Variants in JAK3 observed in about 807,000 individuals in gnomAD.
The protein encoded by JAK3 is Janus kinase 3, also known as tyrosine-protein kinase JAK3.
JAK3 carries 88 observed loss-of-function variants against 120.8 expected under a neutral mutation model. That is an observed-to-expected ratio of 0.73 (90% CI 0.61 to 0.87). JAK3 has a LOEUF of 0.87. Ranked by LOEUF, JAK3 falls within the 40% of genes least tolerant of loss-of-function variation. The pLI is 0.00. For missense variants in JAK3, 1,254 were observed against 1,501.4 expected, an observed-to-expected ratio of 0.84 and a Z score of 2.72; for synonymous variants, 592 against 628.6, an observed-to-expected ratio of 0.94 and a Z score of 0.87.
rs1382253269 is a variant in JAK3 at position 17,837,927 on chromosome 19, C to T, written c.1701+5G>A. The T allele has an allele frequency of 1.2e-6, 2 of 1,613,908 alleles. No individual in the cohort carries two copies. The highest frequency in any genetic ancestry group is 3.3e-5 in the Admixed American group (2 of 59,972). ...CTCCAAAAGTCTGGTCCACATTGCT[C>T]TCACCTCCATGCAGTTCTTGTGCTT... is the stretch of plus-strand genomic sequence containing the variant. On this transcript the variant is annotated splice_donor_5th_base_variant and intron_variant, in intron 12 of 23. Transcript: ENST00000458235.
intron 17 of JAK3, among the ~76,000 whole-genome samples, chr19:17,834,102 C>CTAAA (rs1184434796): frequency 2.0e-5 from 3 of 152,038 alleles, no homozygotes; most frequent in African/African-American, 7.2e-5. Flanking sequence ...AATCCCAGCA[C>CTAAA]TTTAGGAGGT....
Position 17,841,228 on chromosome 19 carries a change from G to C in JAK3, c.1142+161C>G, listed in dbSNP as rs1407572309. 6.6e-6 allele frequency among the ~76,000 whole-genome samples: 1 copy of C among 152,144 alleles called. No individual in the cohort carries two copies. The highest frequency in any genetic ancestry group is 2.1e-4 in the South Asian group (1 of 4,828). ...AGAGTAGTGGTCGCCCTGTGAAGCAGAAGGAATACTTCAGCTTCACTGAGC... is the reference window on the plus strand; with the variant it reads ...AGAGTAGTGGTCGCCCTGTGAAGCACAAGGAATACTTCAGCTTCACTGAGC... On this transcript the variant is annotated intron_variant, in intron 8 of 23. Transcript: ENST00000458235. This position sits in a 1 kb window ranked among gnomAD's most constrained non-coding sequence, Gnocchi z 4.1.
chr19:17,826,051 A>G lies in JAK3; in HGVS notation c.*692T>C, dbSNP rs183649388. 1 of 151,408 alleles carries G rather than the reference A, an allele frequency of 6.6e-6. No individual in the cohort carries two copies. The highest frequency in any genetic ancestry group is 2.4e-5 in the African/African-American group (1 of 41,202). 9.4% of individuals were successfully genotyped at this position (151,408 alleles called of 1,614,324 possible). On this transcript the variant is annotated 3_prime_UTR_variant, in exon 24 of 24. Transcript: ENST00000458235. Reference sequence around the variant, plus strand: ...AGTTCAAGACCAGCCTGGGCAACGTAGCAAGATCCTGTCTCTTAAAAATAA... The same window carrying G: ...AGTTCAAGACCAGCCTGGGCAACGTGGCAAGATCCTGTCTCTTAAAAATAA...
chr19:17,828,809 A>G (rs767302905), intron 23 of JAK3, among the ~76,000 whole-genome samples: 5 of 152,208 alleles, frequency 3.3e-5, no homozygotes, highest in Non-Finnish European at 7.3e-5. Context: ...TAATTTATCA[A>G]TGACCAACTG....
chr19:17,833,667 A>C (rs2094218529), intron 17 of JAK3, among the ~76,000 whole-genome samples: 1 of 151,936 alleles, frequency 6.6e-6, no homozygotes, highest in Admixed American at 6.6e-5. Flanking sequence ...CCCGGCCAAC[A>C]TGGCAAAACC....
At chr19:17,845,133 A>C (rs1249902097) in intron 1 of JAK3, among the ~76,000 whole-genome samples, 5 of 152,212 alleles carry the variant, frequency 3.3e-5, no homozygotes, top group African/African-American at 1.2e-4. Flanking sequence ...CCGGAGGCCA[A>C]GAAGGAAGGA....
chr19:17,834,095 C>T (rs1028015192), intron 17 of JAK3, among the ~76,000 whole-genome samples: 1 of 152,090 alleles, frequency 6.6e-6, no homozygotes, highest in African/African-American at 2.4e-5. Flanking sequence ...CACCTGAAAT[C>T]CCAGCACTTT....
In JAK3 at chr19:17,831,632, T is replaced by C. The variant is rs2147676451; in HGVS notation, c.2805+42A>G. ...TCCAAGCAGACCCCTGCCCAGGCCGTGCCAGCTGAATCCCCACAAGTCCCG... is the reference window on the plus strand; with the variant it reads ...TCCAAGCAGACCCCTGCCCAGGCCGCGCCAGCTGAATCCCCACAAGTCCCG... On this transcript the variant is annotated intron_variant, in intron 20 of 23. Coordinates refer to ENST00000458235, the MANE Select transcript of JAK3 (RefSeq NM_000215.4). This position sits in a 1 kb window ranked among gnomAD's most constrained non-coding sequence, Gnocchi z 5.1. 6.3e-7 allele frequency: 1 copy of C among 1,589,676 alleles called. No homozygotes were observed.
rs1326393997 is a variant in JAK3 at position 17,837,087 on chromosome 19, T to A, written c.1786+42A>T. On this transcript the variant is annotated intron_variant, in intron 13 of 23. Coordinates refer to ENST00000458235, the MANE Select transcript of JAK3 (RefSeq NM_000215.4). The stretch of plus-strand genomic sequence containing the variant: ...AGAGGTGGGAAGAACAGCCTAGACT[T>A]GGGTGAGGCAGGGGTGGGGTGGGTG... The A allele has an allele frequency of 9.2e-6, 7 of 757,092 alleles. No homozygotes were observed. In the East Asian group the frequency reaches 1.0e-3, roughly 111 times the overall value. The allele number at this position is 757,092 out of a possible 1,614,324, so 46.9% of individuals were successfully genotyped here. A position where few individuals can be genotyped will look rare whatever the true frequency, so the allele number is the denominator to read the frequency against.
In JAK3 at chr19:17,830,166, A is replaced by C; in HGVS notation, c.3149T>G (p.Leu1050Arg). The C allele has an allele frequency of 6.3e-7, 1 of 1,596,912 alleles. No individual in the cohort carries two copies. Among genetic ancestry groups the C allele is most frequent in the Admixed American group, 1.7e-5 (1 of 58,004 alleles). Residue 1050 changes from leucine to arginine, a missense_variant, in exon 23 of 24, where the codon CTC becomes CGC. Physicochemically the swap from Leu to Arg is moderately radical, Grantham distance 102. Coordinates refer to ENST00000458235, the MANE Select transcript of JAK3 (RefSeq NM_000215.4). ...CTGGCCCTCCTCCAGCAGTTCCAAGAGGCGGCAGAGGGCGGGGACATCCCG... is the reference window on the plus strand; with the variant it reads ...CTGGCCCTCCTCCAGCAGTTCCAAGCGGCGGCAGAGGGCGGGGACATCCCG... ...CERDVPALCR[L>R]LELLEEGQRL...
intron 10 of JAK3, 55 bp from the exon 11 acceptor site, chr19:17,838,445 AG>A: frequency 1.2e-6 from 2 of 1,609,048 alleles, no homozygotes; most frequent in Non-Finnish European, 8.5e-7. Context: ...AAAGTCCCCA[AG>A]GGTTAGCTAA....
chr19:17,835,223 G>A lies in JAK3; in HGVS notation c.1915-8C>T, dbSNP rs1157363491. The A allele has an allele frequency of 6.2e-7, 1 of 1,613,312 alleles. No individual in the cohort carries two copies. Among genetic ancestry groups the A allele is most frequent in the East Asian group, 2.2e-5 (1 of 44,848 alleles). On this transcript the variant is annotated splice_region_variant and splice_polypyrimidine_tract_variant and intron_variant, in intron 14 of 23. Coordinates refer to ENST00000458235, the MANE Select transcript of JAK3 (RefSeq NM_000215.4). ...GGGCAGGCCTTTGTCCTCCTAAGGGGGCCAGACACAGGAAAATGCCCGGGA... is the reference window on the plus strand; with the variant it reads ...GGGCAGGCCTTTGTCCTCCTAAGGGAGCCAGACACAGGAAAATGCCCGGGA...
rs764270520 is a variant in JAK3, at chr19:17,830,635, A to G, written c.2979-15T>C. 3.7e-6 allele frequency: 6 copies of G among 1,602,564 alleles called. No homozygotes were observed. The highest frequency in any genetic ancestry group is 5.1e-6 in the Non-Finnish European group (6 of 1,170,224). On this transcript the variant is annotated splice_polypyrimidine_tract_variant and intron_variant, in intron 21 of 23. Coordinates refer to ENST00000458235, the MANE Select transcript of JAK3 (RefSeq NM_000215.4). ...CGGGGGCATACCTGGAGAGGGGACA[A>G]GGTCTTGAGATGCGAGGGTGTAGAA...
At chr19:17,828,275 A>T (rs1326286585) in intron 23 of JAK3, among the ~76,000 whole-genome samples, 2 of 143,062 alleles carry the variant, frequency 1.4e-5, no homozygotes, top group South Asian at 2.2e-4. Flanking sequence ...TTTTGTTTTG[A>T]GACAGGGTGT....
intron 23 of JAK3, 153 bp downstream of exon 23, chr19:17,829,955 A>T (rs2073123639): frequency 1.4e-6 from 1 of 691,618 alleles, no homozygotes; most frequent in African/African-American, 1.8e-5. Flanking sequence ...CTTGCCACAC[A>T]GTGAGAGAGT....
rs1351064274 is a variant in JAK3, at chr19:17,826,524, C to T, written c.*219G>A. 42 of 605,192 alleles carry T rather than the reference C, an allele frequency of 6.9e-5. No individual in the cohort carries two copies. Among genetic ancestry groups the T allele is most frequent in the Non-Finnish European group, 1.2e-5 (4 of 336,210 alleles). The allele number at this position is 605,192 out of a possible 1,614,324, so 37.5% of individuals were successfully genotyped here. ...TCTTTGGGCCAGGACTCAGAGAGCC[C>T]CACTGACACATATGCCCATCTGTCT... On this transcript the variant is annotated 3_prime_UTR_variant, in exon 24 of 24. Coordinates refer to ENST00000458235, the MANE Select transcript of JAK3 (RefSeq NM_000215.4).
At position 17,839,780 on chromosome 19, in the gene JAK3, A is replaced by G. The variant is rs1423453781; in HGVS notation, c.1255-117T>C. 15 of 930,190 alleles carry G rather than the reference A, an allele frequency of 1.6e-5. No individual in the cohort carries two copies. In the East Asian group the frequency reaches 3.7e-4, roughly 23 times the overall value. The allele number at this position is 930,190 out of a possible 1,614,324, so 57.6% of individuals were successfully genotyped here. ...TTTGGAGACGGAGTCTGGCTCTGTC[A>G]CCCAGGCTGGAGTGCAATGGCGTGA... On this transcript the variant is annotated intron_variant, in intron 9 of 23. Coordinates refer to ENST00000458235, the MANE Select transcript of JAK3 (RefSeq NM_000215.4).
Position 17,841,240 on chromosome 19 carries a change from C to A in JAK3, c.1142+149G>T, listed in dbSNP as rs933241496. 1.1e-5 allele frequency: 8 copies of A among 747,672 alleles called. No homozygotes were observed. In the African/African-American group the frequency reaches 1.4e-4, roughly 13 times the overall value. 46.3% of individuals were successfully genotyped at this position (747,672 alleles called of 1,614,324 possible). A position where few individuals can be genotyped will look rare whatever the true frequency, so the allele number is the denominator to read the frequency against. On this transcript the variant is annotated intron_variant, in intron 8 of 23. Transcript: ENST00000458235. The surrounding 1 kb of genome is among the most constrained non-coding windows in gnomAD (Gnocchi z 4.1). ...GCCCTGTGAAGCAGAAGGAATACTTCAGCTTCACTGAGCGCTGACTGTGCG... is the reference window on the plus strand; with the variant it reads ...GCCCTGTGAAGCAGAAGGAATACTTAAGCTTCACTGAGCGCTGACTGTGCG...
intron 13 of JAK3, chr19:17,836,852 C>A: frequency 1.9e-6 from 1 of 534,388 alleles, no homozygotes; most frequent in East Asian, 3.4e-5. Context: ...AACCAAGGCT[C>A]AGAAAGGTTA....
Sources: gnomAD v4.1 joint callset for allele counts (sites outside exome capture counted in the v4.1 genomes callset) on GRCh38, gnomAD v4.1.1 for gene constraint, Gnocchi (gnomAD v3.1) non-coding constraint, MANE v1.5 for transcripts, NCBI Gene and HGNC (gene_info 2026-07-23, HGNC 2026-07-21) for gene names.